Variants in CTNNA3 observed in about 807,000 individuals in gnomAD.
CTNNA3 encodes the protein catenin alpha 3.
CTNNA3 carries 76 observed loss-of-function variants against 95.7 expected under a neutral mutation model. That is an observed-to-expected ratio of 0.79 (90% CI 0.66 to 0.96). The LOEUF (loss-of-function observed/expected upper bound fraction) is 0.96, where lower values mean the gene tolerates loss of function less well. Among genes scored for constraint, CTNNA3 ranks in the 40% least tolerant of loss-of-function variants. The pLI is 0.00. For missense variants in CTNNA3, 1,191 were observed against 1,089.8 expected (o/e 1.09, Z -1.31); for synonymous variants, 431 against 374.4 (o/e 1.15, Z -1.74).
intron 3 of CTNNA3, among the ~76,000 whole-genome samples, chr10:67,559,999 A>G (rs999661208): frequency 2.0e-5 from 3 of 152,198 alleles, no homozygotes; most frequent in East Asian, 1.9e-4. Flanking sequence ...AAAAGACCAA[A>G]TCTACGTCTG....
At chr10:67,518,131 T>C (rs1328365582) in intron 5 of CTNNA3, among the ~76,000 whole-genome samples, 1 of 152,170 alleles carries the variant, frequency 6.6e-6, no homozygotes, top group East Asian at 1.9e-4. Context: ...AGGTATCCAG[T>C]ACAAACAGTC....
chr10:66,591,114 C>T (rs1176421415), intron 10 of CTNNA3, among the ~76,000 whole-genome samples: 2 of 152,124 alleles, frequency 1.3e-5, no homozygotes, highest in African/African-American at 2.4e-5. Flanking sequence ...AAGAACAGAA[C>T]ATCATCTGTA....
chr10:65,941,892 T>A (rs996788802), intron 17 of CTNNA3, among the ~76,000 whole-genome samples: 2 of 152,206 alleles, frequency 1.3e-5, no homozygotes, highest in Non-Finnish European at 2.9e-5. Flanking sequence ...TTGAAAAGAA[T>A]TAACCCTTGT....
At chr10:67,728,304 T>C (rs1390503389) in intron 1 of CTNNA3, among the ~76,000 whole-genome samples, 1 of 148,866 alleles carries the variant, frequency 6.7e-6, no homozygotes, top group African/African-American at 2.5e-5. Context: ...AATACAAAAA[T>C]TAGCCAGGCA....
intron 5 of CTNNA3, among the ~76,000 whole-genome samples, chr10:67,404,111 A>C (rs1210250193): frequency 1.3e-5 from 2 of 152,214 alleles, no homozygotes; most frequent in African/African-American, 4.8e-5. Context: ...TCAGCACAAA[A>C]ACACAGAAAA....
chr10:66,651,546 TGG>T (rs1845899424), intron 9 of CTNNA3, among the ~76,000 whole-genome samples: 1 of 134,038 alleles, frequency 7.5e-6, no homozygotes, highest in Non-Finnish European at 1.7e-5. Context: ...GGGCCTTGCG[TGG>T]GGAGGGGGGT....
At chr10:66,158,906 A>AT (rs201426355) in intron 13 of CTNNA3, among the ~76,000 whole-genome samples, 2,138 of 150,846 alleles carry the variant, frequency 0.014, 46 homozygotes, top group African/African-American at 0.049. Context: ...TTTTATTTTT[A>AT]TTTTTTTGCA....
chr10:66,460,786 T>G (rs2093524171), intron 11 of CTNNA3, among the ~76,000 whole-genome samples: 2 of 152,146 alleles, frequency 1.3e-5, no homozygotes, highest in Non-Finnish European at 2.9e-5. Flanking sequence ...TGAAATCAAA[T>G]TATGCATTCT....
At chr10:66,958,779 A>C (rs1848967145) in intron 7 of CTNNA3, among the ~76,000 whole-genome samples, 1 of 152,144 alleles carries the variant, frequency 6.6e-6, no homozygotes, top group African/African-American at 2.4e-5. Context: ...ACACTCTTGC[A>C]TTTTGAGATC....
At chr10:66,266,390 C>A (rs1255607008) in intron 13 of CTNNA3, among the ~76,000 whole-genome samples, 1 of 151,904 alleles carries the variant, frequency 6.6e-6, no homozygotes, top group Non-Finnish European at 1.5e-5. Flanking sequence ...TGATGTGGTT[C>A]TTTTGAAGCT....
intron 7 of CTNNA3, among the ~76,000 whole-genome samples, chr10:66,936,003 A>G (rs924401505): frequency 2.0e-5 from 3 of 152,172 alleles, no homozygotes; most frequent in African/African-American, 7.2e-5. Context: ...TGCTAGTTAA[A>G]GTCTAATCTG....
chr10:67,726,008 C>A (rs1480358781), intron 1 of CTNNA3, among the ~76,000 whole-genome samples: 1 of 130,338 alleles, frequency 7.7e-6, no homozygotes, highest in East Asian at 2.3e-4. Context: ...TATTATATAT[C>A]TAAATCCACA....
intron 8 of CTNNA3, 23 bp downstream of exon 8, chr10:66,775,421 T>A (rs1022505526): frequency 6.6e-7 from 1 of 1,526,290 alleles, no homozygotes; most frequent in Non-Finnish European, 9.0e-7. Flanking sequence ...TGTTTCTGAC[T>A]CCATATCTCT....
intron 15 of CTNNA3, among the ~76,000 whole-genome samples, chr10:66,032,930 C>G (rs1290181158): frequency 6.6e-6 from 1 of 152,044 alleles, no homozygotes; most frequent in Admixed American, 6.5e-5. Flanking sequence ...GGGACTTGCC[C>G]AAGGTCACCA....
intron 13 of CTNNA3, among the ~76,000 whole-genome samples, chr10:66,130,138 C>T (rs960460083): frequency 3.3e-5 from 5 of 152,204 alleles, no homozygotes; most frequent in African/African-American, 1.2e-4. Flanking sequence ...AGCATGAACA[C>T]ATGCAGAGGG....
chr10:66,086,444 G>T (rs1441018857), intron 14 of CTNNA3, among the ~76,000 whole-genome samples: 1 of 152,050 alleles, frequency 6.6e-6, no homozygotes, highest in Non-Finnish European at 1.5e-5. Context: ...AGAGACCATG[G>T]TTTTTGCCAA....
chr10:66,182,276 G>A (rs1364169889), intron 13 of CTNNA3, among the ~76,000 whole-genome samples: 2 of 135,358 alleles, frequency 1.5e-5, no homozygotes, highest in African/African-American at 5.5e-5. Flanking sequence ...TTTTTTTTGA[G>A]ACGGAGTCTC....
At chr10:67,471,841 G>GTTCT (rs1327646066) in intron 5 of CTNNA3, among the ~76,000 whole-genome samples, 1 of 152,138 alleles carries the variant, frequency 6.6e-6, no homozygotes. Flanking sequence ...GCCAGAAACT[G>GTTCT]TTCTAGGGTC....
At chr10:66,342,008 T>C (rs1184079749) in intron 12 of CTNNA3, among the ~76,000 whole-genome samples, 1 of 151,780 alleles carries the variant, frequency 6.6e-6, no homozygotes, top group Non-Finnish European at 1.5e-5. Context: ...GAAAAATTAT[T>C]TTACAGATAA....
Sources: gnomAD v4.1 joint callset for allele counts (sites outside exome capture counted in the v4.1 genomes callset) on GRCh38, gnomAD v4.1.1 for gene constraint, MANE v1.5 for transcripts, NCBI Gene and HGNC (gene_info 2026-07-23, HGNC 2026-07-21) for gene names.